Variants in CTNNA2 observed in about 807,000 individuals in gnomAD.
The protein encoded by CTNNA2 is catenin alpha 2.
CTNNA2 carries 42 observed loss-of-function variants against 101.0 expected under a neutral mutation model. That is an observed-to-expected ratio of 0.42 (90% confidence interval 0.32 to 0.54). The LOEUF is 0.54. Among genes scored for constraint, CTNNA2 ranks in the 20% least tolerant of loss-of-function variants. The pLI is 0.14. For synonymous variants in CTNNA2, 450 were observed against 456.4 expected (o/e 0.99, Z 0.18); for missense variants, 871 against 1,223.1 (o/e 0.71, Z 4.29).
At chr2:80,559,792 A>C (rs1693383952) in intron 12 of CTNNA2, among the ~76,000 whole-genome samples, 1 of 152,010 alleles carries the variant, frequency 6.6e-6, no homozygotes, top group Admixed American at 6.6e-5. Flanking sequence ...ACGCTTGACC[A>C]GACCCATCTT....
At chr2:80,082,849 A>G (rs916129720) in intron 7 of CTNNA2, among the ~76,000 whole-genome samples, 2 of 152,144 alleles carry the variant, frequency 1.3e-5, no homozygotes, top group Admixed American at 1.3e-4. Flanking sequence ...CCAGTATCTT[A>G]ATTAGATCAT....
chr2:79,299,538 G>A (rs1676059483), intron 2 of CTNNA2, among the ~76,000 whole-genome samples: 1 of 152,158 alleles, frequency 6.6e-6, no homozygotes, highest in East Asian at 1.9e-4. Flanking sequence ...CCAAACCGGT[G>A]ATGGGAGAAA....
chr2:79,188,863 C>G (rs1673816284), intron 1 of CTNNA2, among the ~76,000 whole-genome samples: 1 of 152,130 alleles, frequency 6.6e-6, no homozygotes, highest in African/African-American at 2.4e-5. Flanking sequence ...GTCAAAATTA[C>G]CCTCCACTCC....
In CTNNA2 at chr2:80,302,026, T is replaced by A. The variant is rs962660409; in HGVS notation, c.1057-91185T>A. On this transcript the variant is annotated intron_variant, in intron 7 of 18. Coordinates refer to ENST00000402739, the MANE Select transcript of CTNNA2 (RefSeq NM_001282597.3). This position sits in a 1 kb window ranked among gnomAD's most constrained non-coding sequence, Gnocchi z 6.4. ...TTCTCATATGAAATTTAAGATAGAC[T>A]GTCCTGAAGGTTGTGGGGTGGGGTT... 3 of 494,624 alleles carry A rather than the reference T, an allele frequency of 6.1e-6. No homozygotes were observed. Among genetic ancestry groups the A allele is most frequent in the African/African-American group, 5.8e-5 (3 of 51,720 alleles). The allele number at this position is 494,624 out of a possible 1,614,324, so 30.6% of individuals were successfully genotyped here.
intron 7 of CTNNA2, among the ~76,000 whole-genome samples, chr2:80,120,428 G>A (rs1701767193): frequency 6.6e-6 from 1 of 152,150 alleles, no homozygotes; most frequent in Non-Finnish European, 1.5e-5. Flanking sequence ...GAAACCGAAG[G>A]AAACCGAGTG....
chr2:80,604,354 A>C (rs1168720224), intron 16 of CTNNA2, among the ~76,000 whole-genome samples, 175 bp downstream of exon 16: 1 of 151,930 alleles, frequency 6.6e-6, no homozygotes. Context: ...CTAGTGGCAA[A>C]CGTAGATTTA....
intron 7 of CTNNA2, among the ~76,000 whole-genome samples, chr2:80,230,961 T>TGTTTTGTTTC (rs1281943542): frequency 6.6e-6 from 1 of 151,890 alleles, no homozygotes; most frequent in African/African-American, 2.4e-5. Context: ...TCCTGGTGTT[T>TGTTTTGTTTC]GTTTTGTTTT....
intron 12 of CTNNA2, among the ~76,000 whole-genome samples, chr2:80,557,560 G>A (rs1489968677): frequency 6.6e-6 from 1 of 152,112 alleles, no homozygotes; most frequent in African/African-American, 2.4e-5. Context: ...CCTAGAGACA[G>A]GACTCAGTTC....
chr2:79,278,589 C>T (rs1197871293), intron 2 of CTNNA2, among the ~76,000 whole-genome samples: 1 of 151,916 alleles, frequency 6.6e-6, no homozygotes, highest in Non-Finnish European at 1.5e-5. Context: ...AGTATAAGTC[C>T]CCGTTGTACT....
chr2:79,787,018 A>G (rs1166722866), intron 3 of CTNNA2, among the ~76,000 whole-genome samples: 1 of 152,046 alleles, frequency 6.6e-6, no homozygotes, highest in African/African-American at 2.4e-5. Context: ...TATCTCCTCT[A>G]TAATCTCACT....
At chr2:79,837,000 G>A (rs1037961001) in intron 3 of CTNNA2, among the ~76,000 whole-genome samples, 5 of 152,162 alleles carry the variant, frequency 3.3e-5, no homozygotes, top group African/African-American at 1.2e-4. Flanking sequence ...CTGTTTCCAA[G>A]TAAGGACGAA....
chr2:80,005,198 C>T (rs1574518315), intron 7 of CTNNA2, among the ~76,000 whole-genome samples: 1 of 152,182 alleles, frequency 6.6e-6, no homozygotes, highest in Admixed American at 6.5e-5. Context: ...TGTTTAGGGC[C>T]CTGCATGCAG....
At chr2:80,491,362 A>T (rs747921090) in intron 9 of CTNNA2, among the ~76,000 whole-genome samples, 3 of 152,316 alleles carry the variant, frequency 2.0e-5, no homozygotes, top group Non-Finnish European at 2.9e-5. Flanking sequence ...GGAGAACGGC[A>T]TGATCACCGT....
intron 7 of CTNNA2, among the ~76,000 whole-genome samples, chr2:80,364,556 AT>A (rs57073635): frequency 0.095 from 11,685 of 123,232 alleles, 402 homozygotes; most frequent in East Asian, 0.2. Flanking sequence ...AGAGAAAGTA[AT>A]TTTTTTTTTT....
chr2:79,689,736 T>G (rs1684167399), intron 2 of CTNNA2, among the ~76,000 whole-genome samples: 1 of 151,882 alleles, frequency 6.6e-6, no homozygotes, highest in South Asian at 2.1e-4. Context: ...CTATAGAAAT[T>G]AAATGACAAG....
intron 3 of CTNNA2, among the ~76,000 whole-genome samples, chr2:79,331,271 C>A (rs1213619716): frequency 6.6e-6 from 1 of 152,126 alleles, no homozygotes; most frequent in African/African-American, 2.4e-5. Flanking sequence ...GAAAACAAAA[C>A]CAACATGCCC....
At chr2:79,201,224 G>C (rs1674030987) in intron 2 of CTNNA2, among the ~76,000 whole-genome samples, 1 of 151,922 alleles carries the variant, frequency 6.6e-6, no homozygotes, top group African/African-American at 2.4e-5. Context: ...AATAAAAACA[G>C]AAACAAACAA....
chr2:79,860,517 TC>T (rs1460965002), intron 4 of CTNNA2, among the ~76,000 whole-genome samples: 37 of 142,484 alleles, frequency 2.6e-4, no homozygotes, highest in African/African-American at 9.2e-4. Context: ...TCAATTGCAA[TC>T]TCTTCTCCAC....
chr2:79,588,961 A>G (rs1202495080), intron 1 of CTNNA2, among the ~76,000 whole-genome samples: 1 of 152,246 alleles, frequency 6.6e-6, no homozygotes, highest in African/African-American at 2.4e-5. Flanking sequence ...TACTCCTCTC[A>G]TAAGGCATTT....
Sources: allele counts gnomAD v4.1 joint callset (sites outside exome capture counted in the v4.1 genomes callset), GRCh38; gene constraint gnomAD v4.1.1; non-coding constraint Gnocchi (gnomAD v3.1); transcripts MANE v1.5; gene names NCBI Gene and HGNC (gene_info 2026-07-23, HGNC 2026-07-21).